The following GLCE variants were observed in gnomAD, a reference collection of about 807,000 sequenced individuals.
GLCE encodes glucuronic acid epimerase, also known as D-glucuronyl C5-epimerase.
A neutral mutation model predicts 47.9 loss-of-function variants in GLCE; 19 were observed. The observed-to-expected ratio is 0.40, with a 90% confidence interval of 0.28 to 0.58. The LOEUF (loss-of-function observed/expected upper bound fraction) is 0.58, where lower values mean the gene tolerates loss of function less well. Ranked by LOEUF, GLCE falls within the 20% of genes least tolerant of loss-of-function variation. GLCE has a pLI of 0.48. For missense variants in GLCE, 556 were observed against 743.3 expected, an observed-to-expected ratio of 0.75 and a Z score of 2.93; for synonymous variants, 245 against 263.4, an observed-to-expected ratio of 0.93 and a Z score of 0.68.
chr15:69,177,473 A>G (rs1245433149), intron 1 of GLCE, among the ~76,000 whole-genome samples: 1 of 152,222 alleles, frequency 6.6e-6, no homozygotes, highest in East Asian at 1.9e-4. Context: ...TTAGTATAAC[A>G]GCTTCACTGA....
intron 1 of GLCE, among the ~76,000 whole-genome samples, chr15:69,209,122 GTTC>G (rs1326107472): frequency 5.3e-5 from 8 of 151,530 alleles, no homozygotes; most frequent in Middle Eastern, 3.4e-3. Context: ...TTTCCATTTG[GTTC>G]TTCTTTTATC....
intron 3 of GLCE, among the ~76,000 whole-genome samples, chr15:69,256,607 A>T (rs531811602): frequency 6.6e-6 from 1 of 152,334 alleles, no homozygotes; most frequent in African/African-American, 2.4e-5. Flanking sequence ...GGGCAAACAG[A>T]ATTATTTTAT....
chr15:69,177,111 C>G (rs1595737489), intron 1 of GLCE, among the ~76,000 whole-genome samples: 1 of 152,088 alleles, frequency 6.6e-6, no homozygotes, highest in East Asian at 1.9e-4. Flanking sequence ...CCTTTGCCTC[C>G]TGGGTTCAAG....
intron 1 of GLCE, among the ~76,000 whole-genome samples, chr15:69,163,360 A>C (rs1401235417): frequency 6.6e-6 from 1 of 152,230 alleles, no homozygotes; most frequent in African/African-American, 2.4e-5. Flanking sequence ...TTAAGTCCAG[A>C]GAGAGGAAGA....
At chr15:69,252,308 A>T (rs1297293611) in intron 2 of GLCE, among the ~76,000 whole-genome samples, 1 of 152,210 alleles carries the variant, frequency 6.6e-6, no homozygotes. Flanking sequence ...GGCTATACAA[A>T]CATGGTGCCA....
intron 2 of GLCE, among the ~76,000 whole-genome samples, chr15:69,232,595 T>C (rs1193922203): frequency 2.0e-5 from 3 of 152,198 alleles, no homozygotes; most frequent in African/African-American, 7.2e-5. Context: ...AAAAAATTGA[T>C]GTGTTGCTTT....
chr15:69,166,173 TA>T (rs1371196753), intron 1 of GLCE, among the ~76,000 whole-genome samples: 1 of 152,246 alleles, frequency 6.6e-6, no homozygotes. Flanking sequence ...TGCAGGTTTT[TA>T]TATAGGCTTT....
chr15:69,220,614 G>GT (rs1214690092), intron 2 of GLCE, among the ~76,000 whole-genome samples: 5 of 152,058 alleles, frequency 3.3e-5, no homozygotes, highest in Admixed American at 3.3e-4. Context: ...TCTTTGCCCA[G>GT]TTTTGAATTC....
intron 1 of GLCE, among the ~76,000 whole-genome samples, chr15:69,178,941 A>T (rs2051712181): frequency 6.6e-6 from 1 of 152,206 alleles, no homozygotes; most frequent in Admixed American, 6.5e-5. Context: ...AAAAAGGAGC[A>T]CTTCTCCATA....
At chr15:69,264,053 G>A (rs1386048812) in intron 4 of GLCE, among the ~76,000 whole-genome samples, 1 of 151,946 alleles carries the variant, frequency 6.6e-6, no homozygotes, top group Non-Finnish European at 1.5e-5. Flanking sequence ...GCACATTTCA[G>A]GCATACAATA....
At position 69,266,715 on chromosome 15, in the gene GLCE, C is replaced by A. The variant is rs150762907; in HGVS notation, c.830-1505C>A. On this transcript the variant is annotated intron_variant, in intron 4 of 4. Coordinates refer to ENST00000261858, the MANE Select transcript of GLCE (RefSeq NM_015554.3). ...GCTTCTATGGCTGCATCTAAGAGAA[C>A]CTTTCTATTGAATATTCTCATAAGA... The A allele has an allele frequency of 1.7e-5, 16 of 929,244 alleles. No individual in the cohort carries two copies. In the Admixed American group the frequency reaches 2.5e-4, roughly 14 times the overall value. The allele number at this position is 929,244 out of a possible 1,614,324, so 57.6% of individuals were successfully genotyped here. A position where few individuals can be genotyped will look rare whatever the true frequency, so the allele number is the denominator to read the frequency against.
intron 2 of GLCE, among the ~76,000 whole-genome samples, chr15:69,238,437 AT>A: frequency 6.6e-6 from 1 of 152,170 alleles, no homozygotes; most frequent in Non-Finnish European, 1.5e-5. Flanking sequence ...TAAAAAAAAA[AT>A]CTTCTTAGGG....
chr15:69,175,649 G>A lies in GLCE; in HGVS notation c.-105+14892G>A, dbSNP rs991827483. 7.9e-5 allele frequency among the ~76,000 whole-genome samples: 12 copies of A among 152,264 alleles called. No homozygotes were observed. In the East Asian group the frequency reaches 2.3e-3, roughly 29 times the overall value. On this transcript the variant is annotated intron_variant, in intron 1 of 4. Coordinates refer to ENST00000261858, the MANE Select transcript of GLCE (RefSeq NM_015554.3). ...ACAAAATACTTGTCATACCCAGTGG[G>A]TGTTCCAGACTTAGCATGTTTTAAA...
In GLCE at chr15:69,226,996, C is replaced by T. The variant is rs572797072; in HGVS notation, c.-14+16590C>T. 7.4e-4 allele frequency among the ~76,000 whole-genome samples: 112 copies of T among 152,034 alleles called. 1 individual carries two copies. Among genetic ancestry groups the T allele is most frequent in the Non-Finnish European group, 1.2e-3 (84 of 67,968 alleles). On this transcript the variant is annotated intron_variant, in intron 2 of 4. Transcript: ENST00000261858. ...CTGACCTCAGATGATCCACCTGCCT[C>T]GGCCTCCCAAAGTGCTGGAATTACA...
chr15:69,251,849 A>C (rs1595783490), intron 2 of GLCE, among the ~76,000 whole-genome samples: 1 of 152,272 alleles, frequency 6.6e-6, no homozygotes, highest in Non-Finnish European at 1.5e-5. Flanking sequence ...CCATGATGTT[A>C]TATATTTATG....
rs151043440 is a variant in GLCE, at chr15:69,199,601, G to C, written c.-104-10715G>C. ...AAATGTTAGATATTAGAAATAACTT[G>C]TCCAATCCTATATTTTTATAGTTGA... On this transcript the variant is annotated intron_variant, in intron 1 of 4. Transcript: ENST00000261858. Among the ~76,000 whole-genome samples, 4 of 152,268 alleles carry C rather than the reference G, an allele frequency of 2.6e-5. No individual in the cohort carries two copies. In the East Asian group the frequency reaches 7.7e-4, roughly 29 times the overall value.
Position 69,230,825 on chromosome 15 carries a change from A to G in GLCE, c.-14+20419A>G, listed in dbSNP as rs150834908. ...GATTTATTTTACAGTTCTGGAGATCAGAAGTTCAAAATGCATATCACTGGG... is the reference window on the plus strand; with the variant it reads ...GATTTATTTTACAGTTCTGGAGATCGGAAGTTCAAAATGCATATCACTGGG... On this transcript the variant is annotated intron_variant, in intron 2 of 4. Transcript: ENST00000261858. Among the ~76,000 whole-genome samples the G allele has an allele frequency of 3.7e-3, 565 of 152,358 alleles. 4 individuals are homozygous for G. The highest frequency in any genetic ancestry group is 0.012 in the African/African-American group (484 of 41,590).
At chr15:69,187,253 T>C (rs1183772586) in intron 1 of GLCE, among the ~76,000 whole-genome samples, 1 of 152,192 alleles carries the variant, frequency 6.6e-6, no homozygotes, top group Non-Finnish European at 1.5e-5. Context: ...GGGCCATAGC[T>C]TTTTCTAAAT....
chr15:69,225,053 A>C (rs1480585325), intron 2 of GLCE, among the ~76,000 whole-genome samples: 1 of 152,220 alleles, frequency 6.6e-6, no homozygotes, highest in Non-Finnish European at 1.5e-5. Flanking sequence ...GCCCAAGATA[A>C]CTATGCTGGT....
Sources: gnomAD v4.1 joint callset for allele counts (sites outside exome capture counted in the v4.1 genomes callset) on GRCh38, gnomAD v4.1.1 for gene constraint, MANE v1.5 for transcripts, NCBI Gene and HGNC (gene_info 2026-07-23, HGNC 2026-07-21) for gene names.